BTLA: variants seen among roughly 807,000 people sequenced by gnomAD.
BTLA encodes B and T lymphocyte associated, also known as B- and T-lymphocyte attenuator.
In BTLA, 11 loss-of-function variants were observed where a neutral mutation model predicts 25.0. That is an observed-to-expected ratio of 0.44 (90% CI 0.28 to 0.73). BTLA has a LOEUF of 0.73. Among genes scored for constraint, BTLA ranks in the 30% least tolerant of loss-of-function variants. The pLI, the probability that BTLA is intolerant of heterozygous loss-of-function variation, is 0.15. For synonymous variants in BTLA, 104 were observed against 119.8 expected (o/e 0.87, Z 0.86); for missense variants, 282 against 332.8 (o/e 0.85, Z 1.19).
intron 1 of BTLA, among the ~76,000 whole-genome samples, chr3:112,484,774 A>ATAGGAT (rs2082337531): frequency 6.6e-6 from 1 of 152,230 alleles, no homozygotes. Context: ...CTGATTCACA[A>ATAGGAT]TAGGATTATG....
chr3:112,483,624 G>C (rs2082330189), intron 1 of BTLA, among the ~76,000 whole-genome samples: 1 of 152,010 alleles, frequency 6.6e-6, no homozygotes. Flanking sequence ...CCTTCTAATG[G>C]GAAATAAAAA....
At chr3:112,483,960 T>C (rs1434463587) in intron 1 of BTLA, among the ~76,000 whole-genome samples, 1 of 143,276 alleles carries the variant, frequency 7.0e-6, no homozygotes, top group East Asian at 2.0e-4. Flanking sequence ...ACAGTAAGAC[T>C]CTGTCTCAAA....
intron 3 of BTLA, chr3:112,470,035 G>A (rs933225398): frequency 1.6e-5 from 7 of 429,642 alleles, no homozygotes; most frequent in African/African-American, 4.0e-5. Flanking sequence ...TAAAAGGAAG[G>A]GGAGGGATCT....
intron 1 of BTLA, among the ~76,000 whole-genome samples, chr3:112,480,708 C>T (rs1403291855): frequency 1.3e-5 from 2 of 152,200 alleles, no homozygotes; most frequent in African/African-American, 2.4e-5. Context: ...CCTCTGATCT[C>T]TTAAAGGTTC....
intron 2 of BTLA, among the ~76,000 whole-genome samples, chr3:112,472,075 T>G (rs1397666205): frequency 3.3e-5 from 5 of 152,186 alleles, no homozygotes; most frequent in African/African-American, 1.2e-4. Flanking sequence ...GCAGTGGTTC[T>G]CAAGCAGGGA....
At chr3:112,483,208 G>A (rs2082327261) in intron 1 of BTLA, among the ~76,000 whole-genome samples, 1 of 141,388 alleles carries the variant, frequency 7.1e-6, no homozygotes, top group Admixed American at 7.6e-5. Context: ...GAATGCAATG[G>A]CATGATCTCG....
intron 1 of BTLA, among the ~76,000 whole-genome samples, chr3:112,495,535 T>A (rs2082404889): frequency 6.6e-6 from 1 of 152,218 alleles, no homozygotes; most frequent in South Asian, 2.1e-4. Flanking sequence ...AAGGCTGCAA[T>A]GAGCACAAGG....
At chr3:112,498,171 G>A (rs993822317) in intron 1 of BTLA, among the ~76,000 whole-genome samples, 6 of 152,172 alleles carry the variant, frequency 3.9e-5, no homozygotes, top group Non-Finnish European at 8.8e-5. Flanking sequence ...CCCAAACTGA[G>A]TGCAGTAGAG....
At chr3:112,498,004 A>G (rs980365211) in intron 1 of BTLA, among the ~76,000 whole-genome samples, 1 of 152,116 alleles carries the variant, frequency 6.6e-6, no homozygotes, top group African/African-American at 2.4e-5. Context: ...CCCAACATGC[A>G]TTGCATCCAT....
intron 1 of BTLA, among the ~76,000 whole-genome samples, chr3:112,480,759 T>A (rs184043169): frequency 1.5e-3 from 233 of 152,342 alleles, no homozygotes; most frequent in Admixed American, 2.5e-3. Flanking sequence ...AATTTCAACA[T>A]GAATTTTGGA....
At chr3:112,490,626 C>G (rs987077571) in intron 1 of BTLA, among the ~76,000 whole-genome samples, 1 of 151,348 alleles carries the variant, frequency 6.6e-6, no homozygotes, top group East Asian at 1.9e-4. Context: ...CACACACACA[C>G]ACACACACAC....
At chr3:112,477,575 G>A (rs1353243450) in intron 2 of BTLA, among the ~76,000 whole-genome samples, 2 of 151,916 alleles carry the variant, frequency 1.3e-5, no homozygotes, top group Non-Finnish European at 2.9e-5. Context: ...ATCTTTTGAT[G>A]CACAGAAGTG....
In BTLA at chr3:112,466,088, T is replaced by C. The variant is rs769062837; in HGVS notation, c.*20A>G. On this transcript the variant is annotated 3_prime_UTR_variant, in exon 5 of 5. Transcript: ENST00000334529. ...AACATGCTGATCATTCAATGGTCCC[T>C]GTTGGAGTCAGAAACAGACTTAACT... The C allele has an allele frequency of 3.8e-6, 6 of 1,561,776 alleles. No homozygotes were observed. In the East Asian group the frequency reaches 1.4e-4, roughly 36 times the overall value.
intron 1 of BTLA, among the ~76,000 whole-genome samples, chr3:112,487,310 C>T (rs778215681): frequency 3.9e-5 from 6 of 152,242 alleles, no homozygotes; most frequent in African/African-American, 9.6e-5. Context: ...ACCGGCCGGG[C>T]GTGGTGACTC....
chr3:112,478,019 T>C (rs2082298438), intron 2 of BTLA, among the ~76,000 whole-genome samples: 1 of 151,678 alleles, frequency 6.6e-6, no homozygotes, highest in African/African-American at 2.4e-5. Context: ...TTTTTTTTTT[T>C]TAACTGTCAT....
chr3:112,494,066 C>T (rs990400495), intron 1 of BTLA, among the ~76,000 whole-genome samples: 11 of 152,114 alleles, frequency 7.2e-5, no homozygotes, highest in East Asian at 1.9e-4. Flanking sequence ...GCGGAGATTG[C>T]GCCACTGCAC....
intron 2 of BTLA, among the ~76,000 whole-genome samples, chr3:112,474,356 A>T (rs1046121798): frequency 1.3e-5 from 2 of 152,182 alleles, no homozygotes; most frequent in African/African-American, 4.8e-5. Context: ...AGGAAAAGGA[A>T]TTTTTCTTTG....
chr3:112,473,251 C>T (rs548094678), intron 2 of BTLA, among the ~76,000 whole-genome samples: 1 of 152,082 alleles, frequency 6.6e-6, no homozygotes, highest in South Asian at 2.1e-4. Context: ...AGTGTTTGCA[C>T]ACTACCAGAG....
At chr3:112,466,985 G>T (rs1182014863) in intron 4 of BTLA, among the ~76,000 whole-genome samples, 1 of 146,642 alleles carries the variant, frequency 6.8e-6, no homozygotes, top group African/African-American at 2.6e-5. Flanking sequence ...TTGAGACGGA[G>T]TCTTGCCTAT....
Sources: allele counts gnomAD v4.1 joint callset (sites outside exome capture counted in the v4.1 genomes callset), GRCh38; gene constraint gnomAD v4.1.1; transcripts MANE v1.5; gene names NCBI Gene and HGNC (gene_info 2026-07-23, HGNC 2026-07-21).